The following SPIDR variants were observed in gnomAD, a reference collection of about 807,000 sequenced individuals.
SPIDR encodes the protein DNA repair-scaffolding protein.
Under a neutral mutation model 104.6 loss-of-function variants are expected in SPIDR, and 93 were observed. The ratio of observed to expected loss-of-function variants is 0.89; its 90% CI spans 0.75 to 1.06. The LOEUF is 1.06. Among genes scored for constraint, SPIDR ranks in the 50% least tolerant of loss-of-function variants. SPIDR has a pLI of 0.00. For missense variants in SPIDR, 1,154 were observed against 1,111.2 expected (o/e 1.04, Z -0.55); for synonymous variants, 431 against 416.9 (o/e 1.03, Z -0.41).
chr8:47,552,571 A>G (rs897994743), intron 8 of SPIDR, among the ~76,000 whole-genome samples: 1 of 151,988 alleles, frequency 6.6e-6, no homozygotes, highest in Non-Finnish European at 1.5e-5. Context: ...ATTAGAGACT[A>G]GGATTGCAAC....
chr8:47,603,394 T>C (rs1420954964), intron 10 of SPIDR, among the ~76,000 whole-genome samples: 1 of 151,936 alleles, frequency 6.6e-6, no homozygotes, highest in East Asian at 1.9e-4. Flanking sequence ...ACCAGTAATT[T>C]ATTTTTTTCT....
At chr8:47,539,428 G>A (rs1452857841) in intron 8 of SPIDR, among the ~76,000 whole-genome samples, 1 of 151,954 alleles carries the variant, frequency 6.6e-6, no homozygotes, top group Non-Finnish European at 1.5e-5. Context: ...TCCTACCTGG[G>A]GCTCAAGGCA....
chr8:47,425,993 C>T (rs1255316821), intron 7 of SPIDR, among the ~76,000 whole-genome samples: 1 of 151,984 alleles, frequency 6.6e-6, no homozygotes, highest in Admixed American at 6.6e-5. Flanking sequence ...GCCTGTAATC[C>T]CAGCACTTTG....
At chr8:47,512,034 C>T (rs941671444) in intron 8 of SPIDR, 7 of 722,194 alleles carry the variant, frequency 9.7e-6, no homozygotes, top group African/African-American at 8.7e-5. Context: ...AGCTCGCTAG[C>T]GCAATCTGCA....
At chr8:47,520,948 A>G (rs2083966316) in intron 8 of SPIDR, among the ~76,000 whole-genome samples, 1 of 152,220 alleles carries the variant, frequency 6.6e-6, no homozygotes, top group Non-Finnish European at 1.5e-5. Flanking sequence ...CCAGCATGAC[A>G]TCGTCCTGCT....
intron 10 of SPIDR, among the ~76,000 whole-genome samples, chr8:47,623,445 T>C (rs1443291271): frequency 6.6e-6 from 1 of 152,040 alleles, no homozygotes; most frequent in East Asian, 1.9e-4. Context: ...GACTGGCAAA[T>C]TGGATAAAGA....
At chr8:47,463,233 C>T (rs181513745) in intron 8 of SPIDR, among the ~76,000 whole-genome samples, 10 of 151,686 alleles carry the variant, frequency 6.6e-5, no homozygotes, top group South Asian at 2.1e-4. Flanking sequence ...TGGTGGTGGG[C>T]GCCCGTAGTT....
intron 8 of SPIDR, among the ~76,000 whole-genome samples, chr8:47,530,278 G>A (rs1361774389): frequency 6.6e-6 from 1 of 152,058 alleles, no homozygotes; most frequent in African/African-American, 2.4e-5. Context: ...GACCAGCCTG[G>A]CCAAAATGGT....
intron 11 of SPIDR, among the ~76,000 whole-genome samples, chr8:47,674,545 A>AC (rs556131115): frequency 6.6e-6 from 1 of 152,156 alleles, no homozygotes; most frequent in Non-Finnish European, 1.5e-5. Flanking sequence ...ATCCAGTCAT[A>AC]CAGTGAATTG....
intron 8 of SPIDR, among the ~76,000 whole-genome samples, chr8:47,473,604 G>A (rs2075971261): frequency 1.3e-5 from 2 of 152,182 alleles, no homozygotes; most frequent in South Asian, 4.1e-4. Flanking sequence ...ACACCATGGT[G>A]CCTTCCACAC....
chr8:47,292,961 T>G (rs1392982816), intron 4 of SPIDR, among the ~76,000 whole-genome samples: 4 of 152,090 alleles, frequency 2.6e-5, no homozygotes, highest in African/African-American at 9.7e-5. Context: ...TGTTTTTCCC[T>G]TGTCTCTCCC....
chr8:47,508,894 G>C (rs914510985), intron 8 of SPIDR, among the ~76,000 whole-genome samples: 1 of 152,102 alleles, frequency 6.6e-6, no homozygotes, highest in African/African-American at 2.4e-5. Context: ...ATGGGTAGAA[G>C]AAAGACTTGT....
chr8:47,442,725 T>A (rs567505955), intron 8 of SPIDR, among the ~76,000 whole-genome samples: 5 of 152,320 alleles, frequency 3.3e-5, no homozygotes, highest in East Asian at 1.9e-4. Flanking sequence ...TATTATTTTT[T>A]AAAAAACTCC....
intron 5 of SPIDR, among the ~76,000 whole-genome samples, chr8:47,334,376 G>T (rs534489444): frequency 2.0e-5 from 3 of 152,002 alleles, no homozygotes; most frequent in African/African-American, 7.2e-5. Context: ...TTGAAGTCTC[G>T]GATTATGATA....
Position 47,407,907 on chromosome 8 carries a change from T to C in SPIDR, c.823T>C (p.Ser275Pro), listed in dbSNP as rs373712077. ...AAATGGACTGCAGAATCGAGAGAGATCTGCTATTTCTTTGTGGAGACATCA... is the reference window on the plus strand; with the variant it reads ...AAATGGACTGCAGAATCGAGAGAGACCTGCTATTTCTTTGTGGAGACATCA... ...RLNGLQNRER[S>P]AISLWRHQCI... The change falls in exon 7 of 20, where the codon TCT becomes CCT. Residue 275 changes from serine (S) to proline (P), a missense_variant. Coordinates refer to ENST00000297423, the MANE Select transcript of SPIDR (RefSeq NM_001080394.4). 1 of 1,606,616 alleles carries C rather than the reference T, an allele frequency of 6.2e-7. No homozygotes were observed.
At chr8:47,568,981 A>G (rs565963195) in intron 8 of SPIDR, among the ~76,000 whole-genome samples, 1 of 152,350 alleles carries the variant, frequency 6.6e-6, no homozygotes, top group South Asian at 2.1e-4. Flanking sequence ...TAGAGATTAG[A>G]AGATTACATT....
intron 7 of SPIDR, among the ~76,000 whole-genome samples, chr8:47,431,915 A>G (rs1344089901): frequency 6.6e-6 from 1 of 152,246 alleles, no homozygotes; most frequent in Non-Finnish European, 1.5e-5. Flanking sequence ...TGTGCTCTTC[A>G]TAGGATAAAT....
At chr8:47,564,072 C>CTTTTTTTTT (rs869220760) in intron 8 of SPIDR, among the ~76,000 whole-genome samples, 4 of 76,836 alleles carry the variant, frequency 5.2e-5, no homozygotes, top group East Asian at 4.0e-4. Flanking sequence ...TTTTTCTTTT[C>CTTTTTTTTT]TTTTTTTTTT....
chr8:47,325,745 G>A (rs1469855151), intron 5 of SPIDR, among the ~76,000 whole-genome samples: 2 of 152,144 alleles, frequency 1.3e-5, no homozygotes, highest in East Asian at 3.9e-4. Context: ...CTTTGAGAGT[G>A]GAGGACTCTT....
Sources: allele counts gnomAD v4.1 joint callset (sites outside exome capture counted in the v4.1 genomes callset), GRCh38; gene constraint gnomAD v4.1.1; transcripts MANE v1.5; gene names NCBI Gene and HGNC (gene_info 2026-07-23, HGNC 2026-07-21).